The following LRRC4C variants were observed in gnomAD, a reference collection of about 807,000 sequenced individuals.
The protein encoded by LRRC4C is leucine rich repeat containing 4C.
In LRRC4C, 5 loss-of-function variants were observed where a neutral mutation model predicts 33.6. The ratio of observed to expected loss-of-function variants is 0.15; its 90% CI spans 0.08 to 0.31. The LOEUF (loss-of-function observed/expected upper bound fraction) is 0.31. LRRC4C is among the 10% of genes least tolerant of loss of function. LRRC4C has a pLI of 1.00. For missense variants in LRRC4C, 560 were observed against 796.7 expected (o/e 0.70, Z 3.58); for synonymous variants, 329 against 302.0 (o/e 1.09, Z -0.93).
intron 1 of LRRC4C, among the ~76,000 whole-genome samples, chr11:41,235,058 A>G (rs1947958745): frequency 6.6e-6 from 1 of 151,982 alleles, no homozygotes; most frequent in Non-Finnish European, 1.5e-5. Flanking sequence ...TTCTATAAAC[A>G]TGTGGATAAA....
At chr11:41,388,524 G>A (rs545592693) in intron 1 of LRRC4C, among the ~76,000 whole-genome samples, 8 of 151,960 alleles carry the variant, frequency 5.3e-5, no homozygotes, top group Non-Finnish European at 8.8e-5. Context: ...GAAAACAGAA[G>A]GAATTGATAG....
intron 3 of LRRC4C, among the ~76,000 whole-genome samples, chr11:40,604,820 A>C (rs1483528500): frequency 6.6e-6 from 1 of 152,096 alleles, no homozygotes; most frequent in Non-Finnish European, 1.5e-5. Context: ...AAAAGGTAGC[A>C]TGAAGGGAAA....
intron 3 of LRRC4C, among the ~76,000 whole-genome samples, chr11:40,448,848 A>G (rs188486954): frequency 4.6e-5 from 7 of 152,320 alleles, no homozygotes; most frequent in Non-Finnish European, 1.0e-4. Context: ...TAGTTGAACT[A>G]ATTTACACTC....
At chr11:40,448,407 C>T (rs769090726) in intron 3 of LRRC4C, among the ~76,000 whole-genome samples, 18 of 152,050 alleles carry the variant, frequency 1.2e-4, no homozygotes, top group Admixed American at 6.6e-4. Flanking sequence ...CCTAGCTCCC[C>T]ACCCCCCGAC....
At chr11:41,200,900 T>C (rs561953850) in intron 1 of LRRC4C, among the ~76,000 whole-genome samples, 2 of 152,294 alleles carry the variant, frequency 1.3e-5, no homozygotes, top group East Asian at 3.9e-4. Flanking sequence ...GTCAGTCCAC[T>C]GAAGTGGGGG....
chr11:40,883,018 C>G (rs1955261684), intron 2 of LRRC4C, among the ~76,000 whole-genome samples: 1 of 151,962 alleles, frequency 6.6e-6, no homozygotes, highest in East Asian at 1.9e-4. Context: ...GTATGGGGAC[C>G]AAGTTTAAAA....
At chr11:40,145,180 T>G in intron 5 of LRRC4C, among the ~76,000 whole-genome samples, 1 of 152,174 alleles carries the variant, frequency 6.6e-6, no homozygotes, top group Admixed American at 6.5e-5. Context: ...AATAAACTTA[T>G]ATATAGAAAA....
At chr11:41,435,765 A>G (rs1315686543) in intron 1 of LRRC4C, among the ~76,000 whole-genome samples, 33 of 152,240 alleles carry the variant, frequency 2.2e-4, no homozygotes, top group Admixed American at 2.1e-3. Context: ...CAAAGTGTTA[A>G]CAGATGTTCC....
chr11:40,727,798 C>T (rs1335372370), intron 2 of LRRC4C, among the ~76,000 whole-genome samples: 1 of 152,040 alleles, frequency 6.6e-6, no homozygotes, highest in African/African-American at 2.4e-5. Flanking sequence ...CCTGTAATCC[C>T]AGCATTTTAG....
At chr11:41,040,137 CAAAAA>C (rs5791415) in intron 1 of LRRC4C, among the ~76,000 whole-genome samples, 1 of 96,354 alleles carries the variant, frequency 1.0e-5, no homozygotes. Context: ...GACTCTGTCT[CAAAAA>C]AAAAAAAAAA....
At chr11:41,303,009 T>C (rs1464635515) in intron 1 of LRRC4C, among the ~76,000 whole-genome samples, 2 of 152,224 alleles carry the variant, frequency 1.3e-5, no homozygotes, top group Non-Finnish European at 2.9e-5. Context: ...CCTGTCTTTA[T>C]TAAAATGTTA....
At chr11:40,782,106 G>A (rs1348157304) in intron 2 of LRRC4C, among the ~76,000 whole-genome samples, 1 of 152,038 alleles carries the variant, frequency 6.6e-6, no homozygotes, top group Non-Finnish European at 1.5e-5. Context: ...TACTGATTTT[G>A]CTTCCAAACA....
At chr11:41,179,913 A>C (rs1387020368) in intron 1 of LRRC4C, among the ~76,000 whole-genome samples, 1 of 152,150 alleles carries the variant, frequency 6.6e-6, no homozygotes, top group Non-Finnish European at 1.5e-5. Context: ...CAGGGTCAAC[A>C]GAAAGATAGC....
chr11:40,238,047 G>C (rs1865682966), intron 5 of LRRC4C, among the ~76,000 whole-genome samples: 1 of 152,160 alleles, frequency 6.6e-6, no homozygotes, highest in Non-Finnish European at 1.5e-5. Flanking sequence ...ATGGTACACT[G>C]CTTTGTTCAG....
rs139359104 is a variant in LRRC4C at position 40,748,555 on chromosome 11, A to T, written c.-406-100277T>A. On this transcript the variant is annotated intron_variant, in intron 2 of 6. Transcript: ENST00000528697. ...ATAAACCACCAAACCTCAATGACAA[A>T]TGATAAGATAAAAAGAAAGGAACAA... 7.4e-4 allele frequency among the ~76,000 whole-genome samples: 112 copies of T among 152,236 alleles called. 1 individual carries two copies. In the East Asian group the frequency reaches 0.021, roughly 29 times the overall value.
At chr11:41,306,021 T>TACA (rs1555142876) in intron 1 of LRRC4C, among the ~76,000 whole-genome samples, 30 of 110,460 alleles carry the variant, frequency 2.7e-4, no homozygotes, top group Non-Finnish European at 5.6e-4. Flanking sequence ...TTTCTTTCTC[T>TACA]AAAAAAAAAA....
At position 40,189,423 on chromosome 11, in the gene LRRC4C, T is replaced by C. The variant is rs1861654890; in HGVS notation, c.-95-48570A>G. Among the ~76,000 whole-genome samples the C allele has an allele frequency of 1.3e-5, 2 of 152,216 alleles. 1 individual carries two copies. The highest frequency in any genetic ancestry group is 4.1e-4 in the South Asian group (2 of 4,836). ...ACAAAAAAATATAACCTATTTGCTT[T>C]GGTTTTATAGTTAGGAAGACCTGGG... On this transcript the variant is annotated intron_variant, in intron 5 of 6. Coordinates refer to ENST00000528697, the MANE Select transcript of LRRC4C (RefSeq NM_001258419.2).
chr11:41,048,992 G>C (rs187465499), intron 1 of LRRC4C, among the ~76,000 whole-genome samples: 45 of 152,340 alleles, frequency 3.0e-4, no homozygotes, highest in African/African-American at 1.1e-3. Context: ...TGAGTTTGAA[G>C]AGTTAGGCAG....
intron 2 of LRRC4C, among the ~76,000 whole-genome samples, chr11:40,930,462 G>A (rs1225576546): frequency 6.6e-6 from 1 of 151,988 alleles, no homozygotes; most frequent in Non-Finnish European, 1.5e-5. Flanking sequence ...AATAGAATTC[G>A]GGGTCCTTCT....
Sources: gnomAD v4.1 joint callset for allele counts (sites outside exome capture counted in the v4.1 genomes callset) on GRCh38, gnomAD v4.1.1 for gene constraint, MANE v1.5 for transcripts, NCBI Gene and HGNC (gene_info 2026-07-23, HGNC 2026-07-21) for gene names.